Variants in CDH23 observed in about 807,000 individuals in gnomAD.
CDH23 encodes cadherin related 23.
A neutral mutation model predicts 317.1 loss-of-function variants in CDH23; 189 were observed. That is an observed-to-expected ratio of 0.60 (90% CI 0.53 to 0.67). The LOEUF (loss-of-function observed/expected upper bound fraction) is 0.67. Ranked by LOEUF, CDH23 falls within the 30% of genes least tolerant of loss-of-function variation. CDH23 has a pLI of 0.00. For synonymous variants in CDH23, 1,839 were observed against 1,876.8 expected (o/e 0.98, Z 0.52); for missense variants, 4,401 against 4,592.4 (o/e 0.96, Z 1.20).
intron 32 of CDH23, among the ~76,000 whole-genome samples, chr10:71,732,985 A>T (rs913130086): frequency 6.6e-6 from 1 of 152,170 alleles, no homozygotes; most frequent in Non-Finnish European, 1.5e-5. Flanking sequence ...GTCAGATCCC[A>T]CAGGTTGAGG....
intron 6 of CDH23, among the ~76,000 whole-genome samples, chr10:71,559,789 C>A (rs1212204945): frequency 6.6e-6 from 1 of 152,222 alleles, no homozygotes. Context: ...CATTTTAGAT[C>A]CAGTACATTT....
intron 55 of CDH23, among the ~76,000 whole-genome samples, chr10:71,804,808 C>A (rs74145680): frequency 0.048 from 7,279 of 152,168 alleles, 452 homozygotes; most frequent in African/African-American, 0.14. Flanking sequence ...TTAACTTGAT[C>A]AATCTTGTTA....
In CDH23 at chr10:71,778,251, C is replaced by T. The variant is rs111033487; in HGVS notation, c.5130C>T (p.Ile1710=). The change falls in exon 40 of 70, where the codon ATC becomes ATT. Residue 1710 remains isoleucine (I), a synonymous_variant. Transcript: ENST00000224721. ...TCAGCCACGGCCGCTACACCCTGATCGTCACTGCCACAGACCAGTGCCCCA... is the reference window on the plus strand; with the variant it reads ...TCAGCCACGGCCGCTACACCCTGATTGTCACTGCCACAGACCAGTGCCCCA... ...YEISHGRYTL[I]VTATDQCPIL... 417 of 1,613,910 alleles carry T rather than the reference C, an allele frequency of 2.6e-4. 1 individual carries two copies. In the African/African-American group the frequency reaches 4.3e-3, roughly 16 times the overall value.
chr10:71,592,886 G>A (rs1380258461), intron 9 of CDH23, among the ~76,000 whole-genome samples: 3 of 152,082 alleles, frequency 2.0e-5, no homozygotes, highest in Non-Finnish European at 4.4e-5. Flanking sequence ...CCTCTTCTTC[G>A]CGCCGCTCTT....
chr10:71,632,680 G>C (rs932430622), intron 11 of CDH23, among the ~76,000 whole-genome samples: 2 of 152,110 alleles, frequency 1.3e-5, no homozygotes, highest in Non-Finnish European at 2.9e-5. Flanking sequence ...CCACCCTGCT[G>C]TGCAGCGGCC....
At chr10:71,707,947 A>C (rs1865850336) in intron 26 of CDH23, among the ~76,000 whole-genome samples, 1 of 152,062 alleles carries the variant, frequency 6.6e-6, no homozygotes, top group East Asian at 1.9e-4. Context: ...CCCAGCCCTC[A>C]GCCTTCCCTT....
chr10:71,784,255 G>C lies in CDH23; in HGVS notation c.5369-32G>C, dbSNP rs554958371. 4 of 1,601,358 alleles carry C rather than the reference G, an allele frequency of 2.5e-6. No homozygotes were observed. The African/African-American group carries it at 5.3e-5, about 21-fold the overall frequency. On this transcript the variant is annotated intron_variant, in intron 41 of 69. Transcript: ENST00000224721. ...GTCTCCACAGTTCCTGCCAATGCCC[G>C]ACTAACTTGGGCCTCTCCTGGTGAC...
chr10:71,428,303 A>C (rs1040375618), intron 1 of CDH23, among the ~76,000 whole-genome samples: 3 of 150,478 alleles, frequency 2.0e-5, no homozygotes, highest in Admixed American at 2.0e-4. Context: ...AGGCCCAGCT[A>C]ATTTTTGTAT....
intron 1 of CDH23, among the ~76,000 whole-genome samples, chr10:71,409,530 G>A (rs551594767): frequency 1.1e-4 from 17 of 152,236 alleles, no homozygotes; most frequent in African/African-American, 4.1e-4. Context: ...TACCTTCCAC[G>A]TGGCTGTTTC....
intron 9 of CDH23, among the ~76,000 whole-genome samples, chr10:71,586,332 C>T (rs1447042321): frequency 6.6e-6 from 1 of 152,106 alleles, no homozygotes; most frequent in Non-Finnish European, 1.5e-5. Context: ...TATTGACTTT[C>T]AAGAGCTTTG....
intron 8 of CDH23, among the ~76,000 whole-genome samples, chr10:71,575,929 A>C (rs1467179477): frequency 6.6e-6 from 1 of 152,116 alleles, no homozygotes; most frequent in Admixed American, 6.5e-5. Flanking sequence ...GGATTTATTT[A>C]CCCAAAAAAA....
intron 6 of CDH23, among the ~76,000 whole-genome samples, chr10:71,529,236 A>G (rs1473210350): frequency 6.6e-6 from 1 of 152,120 alleles, no homozygotes; most frequent in East Asian, 1.9e-4. Flanking sequence ...TTTGAAGACA[A>G]AGGTTCTAGG....
chr10:71,427,446 G>A (rs974735900), intron 1 of CDH23, among the ~76,000 whole-genome samples: 1 of 152,154 alleles, frequency 6.6e-6, no homozygotes, highest in Admixed American at 6.5e-5. Context: ...CAGGTTCTCA[G>A]GGTTCATCCT....
intron 6 of CDH23, among the ~76,000 whole-genome samples, chr10:71,533,654 T>C (rs10823776): frequency 0.67 from 100,853 of 151,506 alleles, 33,775 homozygotes; most frequent in East Asian, 0.88. Context: ...TGACACAGGA[T>C]GCAGCACATC....
chr10:71,500,792 TTCTTTTCTTTTCTTTTCTTTTCTTTTC>T (rs1468679170), intron 3 of CDH23, among the ~76,000 whole-genome samples: 21 of 145,950 alleles, frequency 1.4e-4, no homozygotes, highest in African/African-American at 5.4e-4. Context: ...TTCTTTTCTT[TTCTTTTCTTTTCTTTTCTTTTCTTTTC>T]TCTTTCCTTT....
chr10:71,724,754 C>A (rs565964967), intron 29 of CDH23, among the ~76,000 whole-genome samples: 148 of 152,360 alleles, frequency 9.7e-4, no homozygotes, highest in Middle Eastern at 3.4e-3. Context: ...GAATCCAGTG[C>A]CCATCCCTGA....
chr10:71,631,158 C>A (rs145190682), intron 11 of CDH23, among the ~76,000 whole-genome samples: 1 of 152,272 alleles, frequency 6.6e-6, no homozygotes, highest in Admixed American at 6.5e-5. Context: ...GCAGCAGGAT[C>A]GCTTCAGCCC....
intron 6 of CDH23, among the ~76,000 whole-genome samples, chr10:71,537,267 A>G (rs1359700518): frequency 1.3e-5 from 2 of 152,148 alleles, no homozygotes; most frequent in Non-Finnish European, 2.9e-5. Flanking sequence ...ATCATCGGTT[A>G]TGTTTCGGAG....
intron 53 of CDH23, among the ~76,000 whole-genome samples, chr10:71,802,612 C>A (rs536244652): frequency 1.3e-5 from 2 of 152,268 alleles, no homozygotes; most frequent in East Asian, 3.9e-4. Context: ...GGGGTTTCTG[C>A]TTCAGGGCCC....
Sources: gnomAD v4.1 joint callset for allele counts (sites outside exome capture counted in the v4.1 genomes callset) on GRCh38, gnomAD v4.1.1 for gene constraint, MANE v1.5 for transcripts, NCBI Gene and HGNC (gene_info 2026-07-23, HGNC 2026-07-21) for gene names.